The following DNAAF5 variants were observed in gnomAD, a reference collection of about 807,000 sequenced individuals.
DNAAF5 encodes dynein axonemal assembly factor 5.
Under a neutral mutation model 75.8 loss-of-function variants are expected in DNAAF5, and 64 were observed. The ratio of observed to expected loss-of-function variants is 0.84; its 90% CI spans 0.69 to 1.04. The LOEUF (loss-of-function observed/expected upper bound fraction) is 1.04, where lower values mean the gene tolerates loss of function less well. Ranked by LOEUF, DNAAF5 falls within the 50% of genes least tolerant of loss-of-function variation. DNAAF5 has a pLI of 0.00. For synonymous variants in DNAAF5, 657 were observed against 557.2 expected (o/e 1.18, Z -2.52); for missense variants, 1,269 against 1,178.5 (o/e 1.08, Z -1.12).
At chr7:783,700 A>G (rs920206258) in intron 12 of DNAAF5, among the ~76,000 whole-genome samples, 5 of 152,210 alleles carry the variant, frequency 3.3e-5, no homozygotes, top group Admixed American at 6.5e-5. Flanking sequence ...CCATCCTGCC[A>G]GATCCACGCA....
chr7:732,819 G>A (rs1781628233), intron 2 of DNAAF5, among the ~76,000 whole-genome samples: 1 of 152,108 alleles, frequency 6.6e-6, no homozygotes, highest in Non-Finnish European at 1.5e-5. Context: ...TATTTGCTGT[G>A]CAGAAGCTTT....
chr7:745,372 G>A (rs780752916), intron 4 of DNAAF5, among the ~76,000 whole-genome samples: 2 of 152,314 alleles, frequency 1.3e-5, no homozygotes, highest in East Asian at 1.9e-4. Context: ...TGGAAGGTAC[G>A]ATCTATGATC....
Position 726,819 on chromosome 7 carries a change from C to T in DNAAF5, c.99C>T (p.Arg33=). 2 of 1,325,030 alleles carry T rather than the reference C, an allele frequency of 1.5e-6. No individual in the cohort carries two copies. Among genetic ancestry groups the T allele is most frequent in the African/African-American group, 1.5e-5 (1 of 65,232 alleles). The allele number at this position is 1,325,030 out of a possible 1,614,324, so 82.1% of individuals were successfully genotyped here. A position where few individuals can be genotyped will look rare whatever the true frequency, so the allele number is the denominator to read the frequency against. Reference sequence around the variant, plus strand: ...TGGAGCTGAGCCGCGCCCTGAGCCGCCTGCTGCCGGGGCTGGAGGCCGACA... The same window carrying T: ...TGGAGCTGAGCCGCGCCCTGAGCCGTCTGCTGCCGGGGCTGGAGGCCGACA... ...EAVELSRALS[R]LLPGLEADSK... The change falls in exon 1 of 13, where the codon CGC becomes CGT. Residue 33 remains arginine (R), a synonymous_variant. Transcript: ENST00000297440.
At chr7:775,567 T>A (rs531602574) in intron 11 of DNAAF5, among the ~76,000 whole-genome samples, 6 of 152,286 alleles carry the variant, frequency 3.9e-5, no homozygotes, top group Non-Finnish European at 5.9e-5. Flanking sequence ...TGTTTGTGCA[T>A]TTATACATAC....
intron 4 of DNAAF5, among the ~76,000 whole-genome samples, chr7:742,152 C>T (rs537446618): frequency 1.4e-4 from 21 of 152,344 alleles, no homozygotes; most frequent in African/African-American, 5.1e-4. Context: ...AGAAACCGCC[C>T]TCCTCTCGCG....
intron 12 of DNAAF5, among the ~76,000 whole-genome samples, chr7:783,885 C>T (rs1779063819): frequency 1.3e-5 from 2 of 152,202 alleles, no homozygotes; most frequent in African/African-American, 4.8e-5. Context: ...TGCCCCTGTG[C>T]ACCAGCTCAG....
At chr7:742,782 C>T (rs553901709) in intron 4 of DNAAF5, among the ~76,000 whole-genome samples, 1 of 151,336 alleles carries the variant, frequency 6.6e-6, no homozygotes, top group South Asian at 2.1e-4. Flanking sequence ...ATCACATGCC[C>T]AGCTCAAATC....
chr7:761,972 T>C (rs1468556121), intron 7 of DNAAF5, 76 bp downstream of exon 7: 4 of 407,226 alleles, frequency 9.8e-6, no homozygotes, highest in Middle Eastern at 1.7e-3. Context: ...TGAGGTGAAC[T>C]GTCTCCTATG....
rs150324816 is a variant in DNAAF5 at position 783,690 on chromosome 7, C to G, written c.2432-1827C>G. The stretch of plus-strand genomic sequence containing the variant: ...CACGTGCAGGCCTCGCTGGGACAGC[C>G]CATCCTGCCAGATCCACGCAACGCC... On this transcript the variant is annotated intron_variant, in intron 12 of 12. Coordinates refer to ENST00000297440, the MANE Select transcript of DNAAF5 (RefSeq NM_017802.4). Among the ~76,000 whole-genome samples, 835 of 152,304 alleles carry G rather than the reference C, an allele frequency of 5.5e-3. 12 individuals carry two copies. Among genetic ancestry groups the G allele is most frequent in the African/African-American group, 0.019 (787 of 41,552 alleles).
At chr7:760,071 C>T (rs1478709095) in intron 6 of DNAAF5, among the ~76,000 whole-genome samples, 1 of 10,566 alleles carries the variant, frequency 9.5e-5, no homozygotes. Flanking sequence ...GAGACGGGGC[C>T]GCGCGGCTCC....
Position 754,924 on chromosome 7 carries a change from C to T in DNAAF5, c.1257+103C>T, listed in dbSNP as rs567915765. On this transcript the variant is annotated intron_variant, in intron 5 of 12. Coordinates refer to ENST00000297440, the MANE Select transcript of DNAAF5 (RefSeq NM_017802.4). This position sits in a 1 kb window ranked among gnomAD's most constrained non-coding sequence, Gnocchi z 4.8. ...CGAGGCTGTACTGTAGCCAAGACAG[C>T]GTTCCCCTCACCCCCGGGCCGCAGG... is the stretch of plus-strand genomic sequence containing the variant. 5.0e-5 allele frequency: 44 copies of T among 887,294 alleles called. No individual in the cohort carries two copies. The highest frequency in any genetic ancestry group is 4.7e-4 in the Admixed American group (17 of 36,266). The allele number at this position is 887,294 out of a possible 1,614,324, so 55.0% of individuals were successfully genotyped here.
chr7:733,934 C>G (rs1301643703), intron 2 of DNAAF5, among the ~76,000 whole-genome samples: 3 of 152,116 alleles, frequency 2.0e-5, no homozygotes, highest in Non-Finnish European at 4.4e-5. Context: ...TGTAGAAATG[C>G]TACTGGGGCT....
chr7:732,327 G>A (rs902877615), intron 2 of DNAAF5, among the ~76,000 whole-genome samples: 9 of 152,268 alleles, frequency 5.9e-5, no homozygotes, highest in African/African-American at 9.6e-5. Flanking sequence ...CAGGACGGAC[G>A]TATGGCCGTG....
chr7:756,522 C>T (rs1782489610), intron 5 of DNAAF5, among the ~76,000 whole-genome samples: 1 of 152,186 alleles, frequency 6.6e-6, no homozygotes, highest in South Asian at 2.1e-4. Context: ...AACCCCACAG[C>T]TGGGACACAG....
At chr7:775,620 G>T (rs1583519405) in intron 11 of DNAAF5, among the ~76,000 whole-genome samples, 1 of 152,212 alleles carries the variant, frequency 6.6e-6, no homozygotes, top group Non-Finnish European at 1.5e-5. Flanking sequence ...AAATATGTAT[G>T]TATTGGGGGG....
chr7:769,176 A>G (rs764468690), intron 8 of DNAAF5: 7 of 774,320 alleles, frequency 9.0e-6, no homozygotes, highest in Admixed American at 5.1e-5. Context: ...GAGAAGGCTC[A>G]CATCGCGAGG....
intron 11 of DNAAF5, among the ~76,000 whole-genome samples, chr7:779,123 C>T (rs1583523400): frequency 6.6e-6 from 1 of 152,262 alleles, no homozygotes; most frequent in African/African-American, 2.4e-5. Context: ...TTTTTCATGC[C>T]TTTCGTTACA....
intron 12 of DNAAF5, among the ~76,000 whole-genome samples, chr7:783,758 G>A (rs1779058019): frequency 6.6e-6 from 1 of 151,804 alleles, no homozygotes; most frequent in African/African-American, 2.4e-5. Context: ...CCCTGCCTGC[G>A]CCCTCCCAGC....
chr7:767,627 A>G (rs111758764), intron 8 of DNAAF5, among the ~76,000 whole-genome samples: 2,457 of 152,124 alleles, frequency 0.016, 72 homozygotes, highest in African/African-American at 0.052. Flanking sequence ...GTGTGGTGTG[A>G]TATGGAGGGA....
Sources: gnomAD v4.1 joint callset for allele counts (sites outside exome capture counted in the v4.1 genomes callset) on GRCh38, gnomAD v4.1.1 for gene constraint, Gnocchi (gnomAD v3.1) non-coding constraint, MANE v1.5 for transcripts, NCBI Gene and HGNC (gene_info 2026-07-23, HGNC 2026-07-21) for gene names.